SLC15A2: variants seen among roughly 807,000 people sequenced by gnomAD.
SLC15A2 encodes the protein kidney H(+)/peptide cotransporter.
A neutral mutation model predicts 95.5 loss-of-function variants in SLC15A2; 77 were observed. The observed-to-expected ratio is 0.81, with a 90% CI of 0.67 to 0.97. The LOEUF (loss-of-function observed/expected upper bound fraction) is 0.97, where lower values mean the gene tolerates loss of function less well. Among genes scored for constraint, SLC15A2 ranks in the 50% least tolerant of loss-of-function variants. The probability of loss-of-function intolerance (pLI) is 0.00; values close to 1 mark genes in which losing one functional copy is unlikely to be tolerated. For synonymous variants in SLC15A2, 306 were observed against 306.9 expected (o/e 1.00, Z 0.03); for missense variants, 893 against 874.4 (o/e 1.02, Z -0.27).
chr3:121,898,695 C>T (rs762400013), intron 3 of SLC15A2, among the ~76,000 whole-genome samples: 3 of 152,128 alleles, frequency 2.0e-5, no homozygotes, highest in East Asian at 1.9e-4. Flanking sequence ...GCCTTAAATA[C>T]GCTAATATGA....
chr3:121,936,274 A>G (rs1015506987), intron 19 of SLC15A2, among the ~76,000 whole-genome samples: 1 of 152,152 alleles, frequency 6.6e-6, no homozygotes, highest in Non-Finnish European at 1.5e-5. Flanking sequence ...GTAGATGTCT[A>G]TTAGGTCTGC....
At chr3:121,925,589 A>G (rs1710099354) in intron 13 of SLC15A2, among the ~76,000 whole-genome samples, 1 of 150,246 alleles carries the variant, frequency 6.7e-6, no homozygotes, top group Admixed American at 6.6e-5. Flanking sequence ...ACTTTACCAG[A>G]TGAAAATGGC....
chr3:121,896,764 C>T (rs1392629393), intron 2 of SLC15A2, among the ~76,000 whole-genome samples: 1 of 151,922 alleles, frequency 6.6e-6, no homozygotes, highest in Non-Finnish European at 1.5e-5. Context: ...TGGCATGTGC[C>T]TGTAGTCGCC....
intron 4 of SLC15A2, among the ~76,000 whole-genome samples, chr3:121,912,799 C>T (rs1383802870): frequency 6.6e-6 from 1 of 152,062 alleles, no homozygotes; most frequent in African/African-American, 2.4e-5. Context: ...GAAATCTTCC[C>T]ACATAATGCA....
Position 121,897,443 on chromosome 3 carries a change from A to G in SLC15A2, c.249A>G (p.Thr83=). The change falls in exon 3 of 22, where the codon ACA becomes ACG. Residue 83 remains threonine (T), a synonymous_variant. Transcript: ENST00000489711. ...TGCACTGGAATGAAGATACCTCCAC[A>G]TCTATATACCATGCCTTCAGCAGCC... is the stretch of plus-strand genomic sequence containing the variant. ...YFLHWNEDTS[T]SIYHAFSSLC... 1 of 1,613,846 alleles carries G rather than the reference A, an allele frequency of 6.2e-7. No individual in the cohort carries two copies. The highest frequency in any genetic ancestry group is 8.5e-7 in the Non-Finnish European group (1 of 1,179,944).
chr3:121,906,648 G>T (rs1456517717), intron 3 of SLC15A2, among the ~76,000 whole-genome samples: 4 of 152,162 alleles, frequency 2.6e-5, no homozygotes, highest in East Asian at 1.9e-4. Context: ...GAAATTCTGG[G>T]TTGAAAATTC....
intron 3 of SLC15A2, among the ~76,000 whole-genome samples, chr3:121,905,793 G>T (rs9713652): frequency 0.45 from 67,842 of 151,954 alleles, 15,664 homozygotes; most frequent in East Asian, 0.69. Flanking sequence ...TGGAATAAGT[G>T]TGATGTGGTA....
intron 19 of SLC15A2, among the ~76,000 whole-genome samples, chr3:121,932,045 C>T (rs976000436): frequency 3.9e-5 from 6 of 152,118 alleles, no homozygotes; most frequent in Non-Finnish European, 8.8e-5. Context: ...GGATTACAGG[C>T]ACCCACCACC....
At chr3:121,928,672 A>G in intron 15 of SLC15A2, 117 bp downstream of exon 15, 4 of 1,133,712 alleles carry the variant, frequency 3.5e-6, no homozygotes, top group Non-Finnish European at 5.0e-6. Context: ...CTTTGAGCAC[A>G]TGATTTTAAT....
chr3:121,936,662 G>A (rs911965094), intron 19 of SLC15A2, among the ~76,000 whole-genome samples: 2 of 151,068 alleles, frequency 1.3e-5, no homozygotes, highest in African/African-American at 4.9e-5. Context: ...GTGTGTCTCT[G>A]CACGTGAGAT....
intron 3 of SLC15A2, among the ~76,000 whole-genome samples, chr3:121,902,550 C>T (rs7652204): frequency 1.1e-4 from 17 of 152,048 alleles, no homozygotes; most frequent in African/African-American, 3.6e-4. Flanking sequence ...TGACGTTCCC[C>T]GCCTGGTGTC....
At chr3:121,909,991 T>TA (rs1369081723) in intron 3 of SLC15A2, among the ~76,000 whole-genome samples, 6 of 118,744 alleles carry the variant, frequency 5.1e-5, no homozygotes, top group African/African-American at 1.9e-4. Context: ...ACTCCTTTTT[T>TA]TTTCCTCTAT....
intron 3 of SLC15A2, among the ~76,000 whole-genome samples, chr3:121,908,186 G>A (rs1007605089): frequency 1.3e-5 from 2 of 152,222 alleles, no homozygotes; most frequent in African/African-American, 2.4e-5. Context: ...GACCCACCAA[G>A]CCAGGCGCAG....
chr3:121,928,401 CAT>C lies in SLC15A2; in HGVS notation c.1207-19_1207-18del. 6.2e-7 allele frequency: 1 copy of C among 1,610,456 alleles called. No homozygotes were observed. On this transcript the variant is annotated intron_variant, in intron 14 of 21. Coordinates refer to ENST00000489711, the MANE Select transcript of SLC15A2 (RefSeq NM_021082.4). The stretch of plus-strand genomic sequence containing the variant: ...AAGGATTATTTGTTGGTGATTCTGA[CAT>C]GTGTTCTTTGCTCTAAGGAAATGGC...
intron 2 of SLC15A2, among the ~76,000 whole-genome samples, 193 bp from the exon 3 acceptor site, chr3:121,897,195 A>C (rs1373467464): frequency 6.6e-6 from 1 of 151,840 alleles, no homozygotes; most frequent in Non-Finnish European, 1.5e-5. Flanking sequence ...ACATAGTCCC[A>C]TTCACTCCCA....
At chr3:121,932,872 T>C (rs1195288513) in intron 19 of SLC15A2, among the ~76,000 whole-genome samples, 1 of 152,178 alleles carries the variant, frequency 6.6e-6, no homozygotes, top group African/African-American at 2.4e-5. Context: ...TAACTCGTCA[T>C]CTAGCATTAG....
At chr3:121,895,989 T>C (rs1006053422) in intron 1 of SLC15A2, among the ~76,000 whole-genome samples, 9 of 152,162 alleles carry the variant, frequency 5.9e-5, no homozygotes, top group African/African-American at 1.9e-4. Context: ...AGAGTCCCCA[T>C]AGTGGGGCTA....
intron 11 of SLC15A2, among the ~76,000 whole-genome samples, chr3:121,923,735 C>T (rs987148083): frequency 2.0e-5 from 3 of 152,144 alleles, no homozygotes; most frequent in African/African-American, 7.2e-5. Flanking sequence ...TTCCAAACTC[C>T]ATTCTTTAGC....
intron 13 of SLC15A2, 41 bp downstream of exon 13, chr3:121,925,074 C>T (rs1288316862): frequency 7.3e-7 from 1 of 1,361,158 alleles, no homozygotes; most frequent in African/African-American, 1.4e-5. Flanking sequence ...TCTAAATTGA[C>T]TCAGTCTTTG....
Sources: allele counts gnomAD v4.1 joint callset (sites outside exome capture counted in the v4.1 genomes callset), GRCh38; gene constraint gnomAD v4.1.1; transcripts MANE v1.5; gene names NCBI Gene and HGNC (gene_info 2026-07-23, HGNC 2026-07-21).